Variants in GJB7 observed in about 807,000 individuals in gnomAD.
The protein encoded by GJB7 is gap junction beta-7 protein.
For synonymous variants in GJB7, 87 were observed against 95.2 expected, an observed-to-expected ratio of 0.91 and a Z score of 0.50; for missense variants, 253 against 256.8, an observed-to-expected ratio of 0.99 and a Z score of 0.10.
Position 87,318,695 on chromosome 6 carries a change from G to T in GJB7, c.-28+4171C>A, listed in dbSNP as rs371043368. 2.4e-4 allele frequency among the ~76,000 whole-genome samples: 36 copies of T among 152,282 alleles called. 2 individuals are homozygous for T. In the South Asian group the frequency reaches 6.6e-3, roughly 28 times the overall value. On this transcript the variant is annotated intron_variant, in intron 2 of 2. Transcript: ENST00000525899. ...TCAGAGTGGGAGAGCATGGATAAAG[G>T]TGGGGACACAGGGAGGGGTGAAGAA... is the stretch of plus-strand genomic sequence containing the variant.
chr6:87,284,560 C>T lies in GJB7; in HGVS notation c.353G>A (p.Gly118Glu). The T allele has an allele frequency of 6.2e-7, 1 of 1,614,118 alleles. No homozygotes were observed. Among genetic ancestry groups the T allele is most frequent in the Admixed American group, 1.7e-5 (1 of 60,026 alleles). The part of the protein sequence containing the change: ...KLYVSPGTMD[G>E]GLWYAYLISL... The stretch of plus-strand genomic sequence containing the variant: ...GATAAGATAAGCGTACCATAGGCCC[C>T]CATCCATTGTACCTGGGCTGACATA... Residue 118 changes from glycine (G) to glutamate (E), a missense_variant, in exon 3 of 3, where the codon GGG becomes GAG. Transcript: ENST00000525899.
At chr6:87,304,457 C>G (rs1266558318) in intron 2 of GJB7, among the ~76,000 whole-genome samples, 1 of 152,140 alleles carries the variant, frequency 6.6e-6, no homozygotes, top group Non-Finnish European at 1.5e-5. Context: ...CACATACACC[C>G]TCCCAAGACT....
intron 2 of GJB7, among the ~76,000 whole-genome samples, chr6:87,303,763 T>C (rs1219750316): frequency 6.6e-6 from 1 of 152,122 alleles, no homozygotes; most frequent in East Asian, 1.9e-4. Context: ...AAAATTGACC[T>C]CATAGTTGGA....
At chr6:87,298,383 G>A (rs571031086) in intron 2 of GJB7, among the ~76,000 whole-genome samples, 10 of 152,348 alleles carry the variant, frequency 6.6e-5, no homozygotes, top group African/African-American at 1.9e-4. Flanking sequence ...TCAGGTTGAG[G>A]ACTGAAGTTG....
At chr6:87,296,870 G>A (rs189586767) in intron 2 of GJB7, among the ~76,000 whole-genome samples, 15 of 152,256 alleles carry the variant, frequency 9.9e-5, no homozygotes, top group Admixed American at 5.2e-4. Context: ...TTTCAGAGCC[G>A]ACATTCTAAA....
intron 2 of GJB7, among the ~76,000 whole-genome samples, chr6:87,320,408 A>C (rs1020959404): frequency 6.6e-6 from 1 of 152,246 alleles, no homozygotes; most frequent in Non-Finnish European, 1.5e-5. Context: ...ACATAAACCC[A>C]TGCCAAAATA....
rs190773817 is a variant in GJB7, at chr6:87,324,191, T to A, written c.-205-1148A>T. On this transcript the variant is annotated intron_variant, in intron 1 of 2. Transcript: ENST00000525899. ...GGATATTAGCCCTTTGTCAGATGAA[T>A]AGGTTGTGAAAATTTTCTCCCATTT... 5.9e-3 allele frequency among the ~76,000 whole-genome samples: 905 copies of A among 152,332 alleles called. 5 individuals carry two copies. The highest frequency in any genetic ancestry group is 0.018 in the South Asian group (87 of 4,826).
intron 2 of GJB7, among the ~76,000 whole-genome samples, chr6:87,286,321 G>A (rs1426975051): frequency 6.6e-6 from 1 of 152,036 alleles, no homozygotes; most frequent in Non-Finnish European, 1.5e-5. Flanking sequence ...ACACCCAAGC[G>A]CCTGTCAGAA....
At chr6:87,317,969 A>C (rs2022907758) in intron 2 of GJB7, among the ~76,000 whole-genome samples, 1 of 152,120 alleles carries the variant, frequency 6.6e-6, no homozygotes, top group African/African-American at 2.4e-5. Context: ...ATATAGAATA[A>C]ATTATTATTA....
chr6:87,319,966 A>C (rs1776632149), intron 2 of GJB7, among the ~76,000 whole-genome samples: 1 of 152,218 alleles, frequency 6.6e-6, no homozygotes. Context: ...AAATTAAAAC[A>C]AAAGAACTCA....
chr6:87,317,761 CA>C (rs746442568), intron 2 of GJB7, among the ~76,000 whole-genome samples: 2 of 152,122 alleles, frequency 1.3e-5, no homozygotes, highest in Non-Finnish European at 2.9e-5. Flanking sequence ...GTTTTAAGGG[CA>C]AAGATTATGT....
rs397841661 is a variant in GJB7, at chr6:87,283,836, CTTT to C, written c.*402_*404del. The C allele has an allele frequency of 3.6e-5, 4 of 112,258 alleles. No homozygotes were observed. Among genetic ancestry groups the C allele is most frequent in the Non-Finnish European group, 5.4e-5 (3 of 55,720 alleles). 7.0% of individuals were successfully genotyped at this position (112,258 alleles called of 1,614,324 possible). On this transcript the variant is annotated 3_prime_UTR_variant, in exon 3 of 3. Transcript: ENST00000525899. ...AAAACAGAAAACTGACACAGGGTTT[CTTT>C]TTTTTTTTTTTTCCCTGAAAAATCT...
chr6:87,311,712 A>G (rs1369928635), intron 2 of GJB7, among the ~76,000 whole-genome samples: 1 of 152,218 alleles, frequency 6.6e-6, no homozygotes, highest in East Asian at 1.9e-4. Context: ...CAGTAAGCAA[A>G]CTGATTGTAT....
chr6:87,288,160 C>T (rs558694794), intron 2 of GJB7, among the ~76,000 whole-genome samples: 76 of 152,196 alleles, frequency 5.0e-4, no homozygotes, highest in African/African-American at 1.6e-3. Flanking sequence ...CTCAGCCTCC[C>T]GAAGTGCTGG....
At chr6:87,291,004 GATGT>G (rs1206228234) in intron 2 of GJB7, among the ~76,000 whole-genome samples, 1 of 152,232 alleles carries the variant, frequency 6.6e-6, no homozygotes, top group Non-Finnish European at 1.5e-5. Context: ...ACGATGGGTA[GATGT>G]ACAGCAGGAA....
chr6:87,304,775 A>C (rs1370042174), intron 2 of GJB7, among the ~76,000 whole-genome samples: 1 of 152,260 alleles, frequency 6.6e-6, no homozygotes, highest in East Asian at 1.9e-4. Flanking sequence ...AAAAATCCTC[A>C]ATAAAATACT....
intron 2 of GJB7, among the ~76,000 whole-genome samples, chr6:87,301,770 G>A (rs575092582): frequency 1.3e-5 from 2 of 152,348 alleles, no homozygotes; most frequent in East Asian, 1.9e-4. Context: ...CTAACTGGGA[G>A]GCATCCCCCA....
At chr6:87,293,391 T>G (rs1032043690) in intron 2 of GJB7, among the ~76,000 whole-genome samples, 6 of 152,346 alleles carry the variant, frequency 3.9e-5, no homozygotes, top group African/African-American at 1.4e-4. Context: ...AATTACTGGA[T>G]AAATTACCAG....
intron 2 of GJB7, among the ~76,000 whole-genome samples, chr6:87,285,744 G>C (rs2127895987): frequency 6.6e-6 from 1 of 152,292 alleles, no homozygotes; most frequent in South Asian, 2.1e-4. Context: ...TAGTGGGGGA[G>C]AGGGAGAATC....
Sources: gnomAD v4.1 joint callset for allele counts (sites outside exome capture counted in the v4.1 genomes callset) on GRCh38, gnomAD v4.1.1 for gene constraint, MANE v1.5 for transcripts, NCBI Gene and HGNC (gene_info 2026-07-23, HGNC 2026-07-21) for gene names.